FNTB: variants seen among roughly 807,000 people sequenced by gnomAD.
FNTB encodes the protein protein farnesyltransferase subunit beta.
In FNTB, 27 loss-of-function variants were observed where a neutral mutation model predicts 59.4. The observed-to-expected ratio is 0.45, with a 90% CI of 0.34 to 0.63. FNTB has a LOEUF of 0.63. Ranked by LOEUF, FNTB falls within the 20% of genes least tolerant of loss-of-function variation. FNTB has a pLI of 0.02. For synonymous variants in FNTB, 230 were observed against 220.7 expected, an observed-to-expected ratio of 1.04 and a Z score of -0.37; for missense variants, 449 against 559.6, an observed-to-expected ratio of 0.80 and a Z score of 1.99.
chr14:64,999,268 C>A (rs1888514811), intron 1 of FNTB, among the ~76,000 whole-genome samples: 1 of 152,082 alleles, frequency 6.6e-6, no homozygotes, highest in Admixed American at 6.6e-5. Flanking sequence ...CGAAACCCAT[C>A]TCTACTAAAA....
At chr14:65,057,299 C>T (rs188574529) in intron 11 of FNTB, among the ~76,000 whole-genome samples, 7 of 152,164 alleles carry the variant, frequency 4.6e-5, no homozygotes, top group South Asian at 2.1e-4. Context: ...TATGGTGGTT[C>T]GCACCTGTAA....
In FNTB at chr14:64,997,293, A is replaced by C. The variant is rs1204360678; in HGVS notation, c.145-6956A>C. Among the ~76,000 whole-genome samples, 1 of 152,114 alleles carries C rather than the reference A, an allele frequency of 6.6e-6. No homozygotes were observed. The highest frequency in any genetic ancestry group is 1.5e-5 in the Non-Finnish European group (1 of 68,020). The stretch of plus-strand genomic sequence containing the variant: ...GTCTTTTCAGATTTTTGCATTTCTG[A>C]CTGGCTGACTCCACACAGACAGGTC... On this transcript the variant is annotated intron_variant, in intron 1 of 11. Coordinates refer to ENST00000246166, the MANE Select transcript of FNTB (RefSeq NM_002028.4). This position sits in a 1 kb window ranked among gnomAD's most constrained non-coding sequence, Gnocchi z 4.5.
rs1268190051 is a variant in FNTB, at chr14:65,009,268, C to G, written c.210-3049C>G. Among the ~76,000 whole-genome samples, 1 of 152,110 alleles carries G rather than the reference C, an allele frequency of 6.6e-6. No homozygotes were observed. The highest frequency in any genetic ancestry group is 1.5e-5 in the Non-Finnish European group (1 of 68,014). On this transcript the variant is annotated intron_variant, in intron 2 of 11. Coordinates refer to ENST00000246166, the MANE Select transcript of FNTB (RefSeq NM_002028.4). This position sits in a 1 kb window ranked among gnomAD's most constrained non-coding sequence, Gnocchi z 4.2. Reference sequence around the variant, plus strand: ...TTTCTGGAGGCCAGAAGTCTAAGACCAAGGTGTCAGCAGGCTTGGTTTCTC... The same window carrying G: ...TTTCTGGAGGCCAGAAGTCTAAGACGAAGGTGTCAGCAGGCTTGGTTTCTC...
In FNTB at chr14:64,990,370, A is replaced by C. The variant is rs895301021; in HGVS notation, c.144+3273A>C. 9.2e-5 allele frequency among the ~76,000 whole-genome samples: 14 copies of C among 151,980 alleles called. No homozygotes were observed. Among genetic ancestry groups the C allele is most frequent in the African/African-American group, 3.4e-4 (14 of 41,354 alleles). On this transcript the variant is annotated intron_variant, in intron 1 of 11. Coordinates refer to ENST00000246166, the MANE Select transcript of FNTB (RefSeq NM_002028.4). The surrounding 1 kb of genome is among the most constrained non-coding windows in gnomAD (Gnocchi z 5.2). The stretch of plus-strand genomic sequence containing the variant: ...GAAGTATTGCTGGGGGTGACCGAGA[A>C]GGAGAAGAATGAGACCACTGTATTT...
At chr14:64,992,627 C>CT (rs929312672) in intron 1 of FNTB, among the ~76,000 whole-genome samples, 10 of 151,430 alleles carry the variant, frequency 6.6e-5, no homozygotes, top group African/African-American at 1.7e-4. Flanking sequence ...TAACATTAGA[C>CT]TTTTTTTTTA....
intron 8 of FNTB, among the ~76,000 whole-genome samples, chr14:65,042,661 G>A (rs1026611798): frequency 2.0e-5 from 3 of 152,172 alleles, no homozygotes; most frequent in Non-Finnish European, 4.4e-5. Context: ...ATTTGCTTTG[G>A]GAGAAGTAGG....
rs34377682 is a variant in FNTB at position 65,013,840 on chromosome 14, G to A, written c.282+1451G>A. 5.7e-3 allele frequency among the ~76,000 whole-genome samples: 864 copies of A among 152,336 alleles called. 7 individuals carry two copies. The highest frequency in any genetic ancestry group is 0.024 in the Middle Eastern group (7 of 294). ...TGGGGTTACAGGCGTGAGCTACTGC[G>A]CCCAGTTGCATTCTCTTATTTAAAT... On this transcript the variant is annotated intron_variant, in intron 3 of 11. Transcript: ENST00000246166.
In FNTB at chr14:65,012,985, C is replaced by T. The variant is rs574345725; in HGVS notation, c.282+596C>T. ...AGATCTTTAATATTTCCCAGAGCAA[C>T]GTCAGGACTGGGTGACGGTGGAGGG... On this transcript the variant is annotated intron_variant, in intron 3 of 11. Coordinates refer to ENST00000246166, the MANE Select transcript of FNTB (RefSeq NM_002028.4). The surrounding 1 kb of genome is among the most constrained non-coding windows in gnomAD (Gnocchi z 5.0). Among the ~76,000 whole-genome samples the T allele has an allele frequency of 2.6e-5, 4 of 152,136 alleles. No homozygotes were observed. The highest frequency in any genetic ancestry group is 1.9e-4 in the East Asian group (1 of 5,180).
chr14:64,987,905 A>G (rs1018726488), intron 1 of FNTB, among the ~76,000 whole-genome samples: 2 of 152,180 alleles, frequency 1.3e-5, no homozygotes, highest in Non-Finnish European at 2.9e-5. Flanking sequence ...GCTATGTGGA[A>G]CTGTTTATCC....
intron 7 of FNTB, among the ~76,000 whole-genome samples, chr14:65,037,597 T>A (rs893584050): frequency 2.0e-5 from 3 of 149,180 alleles, no homozygotes; most frequent in Admixed American, 6.7e-5. Flanking sequence ...GCTAATTTTT[T>A]AAATTTTTGT....
At chr14:65,016,137 C>T (rs1031949594) in intron 4 of FNTB, among the ~76,000 whole-genome samples, 6 of 152,166 alleles carry the variant, frequency 3.9e-5, no homozygotes, top group Non-Finnish European at 7.3e-5. Flanking sequence ...AGTACCTCCC[C>T]GCTCCCGGTG....
intron 1 of FNTB, among the ~76,000 whole-genome samples, chr14:65,003,141 A>G (rs901884481): frequency 6.6e-5 from 10 of 152,238 alleles, no homozygotes; most frequent in African/African-American, 2.4e-4. Flanking sequence ...GAAGAGAAAG[A>G]TCTGATTTCT....
At chr14:64,999,624 T>C (rs572257757) in intron 1 of FNTB, among the ~76,000 whole-genome samples, 1 of 152,290 alleles carries the variant, frequency 6.6e-6, no homozygotes, top group African/African-American at 2.4e-5. Flanking sequence ...AGTTGAATGG[T>C]ATATGAATTA....
rs34879850 is a variant in FNTB, at chr14:65,047,978, A to ATT, written c.955+3561_955+3562dup. ...AGACAGAAGGAGGGAGACTTTTTAGATTTTTTTTTTTTTTTTTTTTTTTTT... is the reference window on the plus strand; with the variant it reads ...AGACAGAAGGAGGGAGACTTTTTAGATTTTTTTTTTTTTTTTTTTTTTTTTTT... On this transcript the variant is annotated intron_variant, in intron 9 of 11. Coordinates refer to ENST00000246166, the MANE Select transcript of FNTB (RefSeq NM_002028.4). This position sits in a 1 kb window ranked among gnomAD's most constrained non-coding sequence, Gnocchi z 5.2. 1.4e-3 allele frequency among the ~76,000 whole-genome samples: 91 copies of ATT among 64,140 alleles called. 1 individual carries two copies. The highest frequency in any genetic ancestry group is 2.6e-3 in the East Asian group (5 of 1,954). 42.1% of individuals were successfully genotyped at this position (64,140 alleles called of 152,430 possible). A position where few individuals can be genotyped will look rare whatever the true frequency, so the allele number is the denominator to read the frequency against.
At chr14:65,058,185 A>G (rs1267354042) in intron 11 of FNTB, among the ~76,000 whole-genome samples, 1 of 149,016 alleles carries the variant, frequency 6.7e-6, no homozygotes, top group Non-Finnish European at 1.5e-5. Flanking sequence ...GCTTCCATTT[A>G]TGAACATAAT....
rs1392032287 is a variant in FNTB at position 65,032,598 on chromosome 14, C to T, written c.606-12C>T. On this transcript the variant is annotated splice_polypyrimidine_tract_variant and intron_variant, in intron 6 of 11. Coordinates refer to ENST00000246166, the MANE Select transcript of FNTB (RefSeq NM_002028.4). The surrounding 1 kb of genome is among the most constrained non-coding windows in gnomAD (Gnocchi z 5.0). ...GTAGAGCTTAATGTGTTTCCCGTTT[C>T]TGTCTTTCCAGAAGCGCATACTGTG... The T allele has an allele frequency of 1.2e-6, 2 of 1,612,828 alleles. No homozygotes were observed. Among genetic ancestry groups the T allele is most frequent in the Non-Finnish European group, 1.7e-6 (2 of 1,179,836 alleles).
intron 1 of FNTB, among the ~76,000 whole-genome samples, chr14:64,995,848 G>A (rs1284195605): frequency 6.6e-6 from 1 of 151,508 alleles, no homozygotes; most frequent in Non-Finnish European, 1.5e-5. Context: ...ACCTAGCCTG[G>A]GGCTGGGTGC....
chr14:65,061,324 C>T lies in FNTB; in HGVS notation c.*12C>T. ...CTGCAACCGACTAGAGGACCTGGGT[C>T]CCGGCAGCTCTTTGCTCACCCATCT... is the stretch of plus-strand genomic sequence containing the variant. On this transcript the variant is annotated 3_prime_UTR_variant, in exon 12 of 12. Coordinates refer to ENST00000246166, the MANE Select transcript of FNTB (RefSeq NM_002028.4). 1.2e-6 allele frequency: 2 copies of T among 1,613,260 alleles called. No homozygotes were observed. The highest frequency in any genetic ancestry group is 1.7e-6 in the Non-Finnish European group (2 of 1,179,964).
chr14:65,043,196 A>G (rs566930218), intron 8 of FNTB, among the ~76,000 whole-genome samples: 1 of 152,308 alleles, frequency 6.6e-6, no homozygotes, highest in South Asian at 2.1e-4. Context: ...TGGAAATGTC[A>G]TATCTGCTCA....
Sources: allele counts gnomAD v4.1 joint callset (sites outside exome capture counted in the v4.1 genomes callset), GRCh38; gene constraint gnomAD v4.1.1; non-coding constraint Gnocchi (gnomAD v3.1); transcripts MANE v1.5; gene names NCBI Gene and HGNC (gene_info 2026-07-23, HGNC 2026-07-21).